The following CTNNAL1 variants were observed in gnomAD, a reference collection of about 807,000 sequenced individuals.
The protein encoded by CTNNAL1 is catenin alpha like 1, also known as alpha-catulin.
Under a neutral mutation model 93.6 loss-of-function variants are expected in CTNNAL1, and 69 were observed. That is an observed-to-expected ratio of 0.74 (90% CI 0.61 to 0.90). The LOEUF (loss-of-function observed/expected upper bound fraction) is 0.90. Among genes scored for constraint, CTNNAL1 ranks in the 40% least tolerant of loss-of-function variants. CTNNAL1 has a pLI of 0.00. For missense variants in CTNNAL1, 836 were observed against 862.0 expected, an observed-to-expected ratio of 0.97 and a Z score of 0.38; for synonymous variants, 286 against 305.4, an observed-to-expected ratio of 0.94 and a Z score of 0.66.
intron 10 of CTNNAL1, among the ~76,000 whole-genome samples, chr9:108,967,055 G>A (rs551325427): frequency 1.3e-5 from 2 of 152,104 alleles, no homozygotes; most frequent in Non-Finnish European, 2.9e-5. Context: ...TTCTATTCAT[G>A]ACAACAGGCA....
chr9:108,947,936 T>C (rs1244773821), intron 15 of CTNNAL1, among the ~76,000 whole-genome samples: 1 of 152,242 alleles, frequency 6.6e-6, no homozygotes, highest in Non-Finnish European at 1.5e-5. Context: ...ATTGCATCTA[T>C]TGACTACCAA....
chr9:109,001,480 G>A (rs1017221942), intron 1 of CTNNAL1, among the ~76,000 whole-genome samples: 12 of 152,092 alleles, frequency 7.9e-5, no homozygotes, highest in African/African-American at 2.9e-4. Context: ...TCTAATAAAT[G>A]GAATAAAGTG....
chr9:108,942,788 G>A lies in CTNNAL1; in HGVS notation c.2186C>T (p.Thr729Ile), dbSNP rs750982104. 6.2e-6 allele frequency: 10 copies of A among 1,611,850 alleles called. No homozygotes were observed. Among genetic ancestry groups the A allele is most frequent in the African/African-American group, 1.3e-5 (1 of 74,826 alleles). Residue 729 changes from threonine to isoleucine, a missense_variant, in exon 19 of 19, where the codon ACT becomes ATT. Thr to Ile is a moderately conservative substitution (Grantham distance 89). Coordinates refer to ENST00000325551, the MANE Select transcript of CTNNAL1 (RefSeq NM_003798.4). The stretch of plus-strand genomic sequence containing the variant: ...AGCTTCTCAAGTTTTACTATCCATA[G>A]TGTCCTTATTTGTAACTGAGACCCA... ...NGWVSVTNKD[T>I]MDSKT
chr9:108,996,344 T>C (rs1410713646), intron 2 of CTNNAL1, among the ~76,000 whole-genome samples: 2 of 152,028 alleles, frequency 1.3e-5, no homozygotes, highest in Non-Finnish European at 2.9e-5. Context: ...TTCGTAGGGG[T>C]TGAGTGGGCT....
intron 8 of CTNNAL1, among the ~76,000 whole-genome samples, chr9:108,976,261 ATATAATCAT>A (rs1015185156): frequency 1.3e-5 from 2 of 152,180 alleles, no homozygotes; most frequent in Admixed American, 1.3e-4. Context: ...AATTTTATAC[ATATAATCAT>A]TTGTGCCTGG....
intron 14 of CTNNAL1, among the ~76,000 whole-genome samples, chr9:108,948,882 A>T (rs1351880348): frequency 6.6e-6 from 1 of 152,212 alleles, no homozygotes; most frequent in Non-Finnish European, 1.5e-5. Context: ...TCTGGAATCT[A>T]GTAGCAACCA....
chr9:108,952,761 T>A lies in CTNNAL1; in HGVS notation c.1630-267A>T, dbSNP rs1482941041. Among the ~76,000 whole-genome samples, 3 of 152,324 alleles carry A rather than the reference T, an allele frequency of 2.0e-5. No individual in the cohort carries two copies. In the East Asian group the frequency reaches 5.8e-4, roughly 29 times the overall value. ...GCCTCTGTGCTTACAGCTGCTCTCC[T>A]CTTTTCACAAGGGCTTCCAGGGACT... On this transcript the variant is annotated intron_variant, in intron 12 of 18. Coordinates refer to ENST00000325551, the MANE Select transcript of CTNNAL1 (RefSeq NM_003798.4).
intron 2 of CTNNAL1, among the ~76,000 whole-genome samples, chr9:108,994,801 G>A (rs1831953401): frequency 1.3e-5 from 2 of 152,320 alleles, no homozygotes; most frequent in African/African-American, 4.8e-5. Flanking sequence ...TAAAATAACT[G>A]AGGCAGCTGT....
intron 12 of CTNNAL1, among the ~76,000 whole-genome samples, chr9:108,953,480 G>T (rs994867240): frequency 1.1e-4 from 17 of 151,980 alleles, no homozygotes; most frequent in African/African-American, 4.1e-4. Context: ...CACACATTGG[G>T]TATGGATTCA....
At chr9:108,986,100 A>G (rs1039659796) in intron 4 of CTNNAL1, among the ~76,000 whole-genome samples, 2 of 151,458 alleles carry the variant, frequency 1.3e-5, no homozygotes, top group African/African-American at 4.9e-5. Flanking sequence ...ATATGTATAC[A>G]TGTGCCATGC....
In CTNNAL1 at chr9:108,979,172, T is replaced by C. The variant is rs1035418472; in HGVS notation, c.1101+109A>G. ...AGAAGGGATGAGATATCCTGTCCCA[T>C]TCTGGAACAAATTCATACTCCTGGT... On this transcript the variant is annotated intron_variant, in intron 7 of 18. Coordinates refer to ENST00000325551, the MANE Select transcript of CTNNAL1 (RefSeq NM_003798.4). The C allele has an allele frequency of 4.4e-6, 6 of 1,364,560 alleles. No homozygotes were observed. In the Admixed American group the frequency reaches 1.1e-4, roughly 24 times the overall value. The allele number at this position is 1,364,560 out of a possible 1,614,324, so 84.5% of individuals were successfully genotyped here.
At chr9:108,970,639 T>C in intron 9 of CTNNAL1, 145 bp from the exon 10 acceptor site, 1 of 617,666 alleles carries the variant, frequency 1.6e-6, no homozygotes, top group South Asian at 3.2e-5. Flanking sequence ...GAGAAGATTA[T>C]TATAATATTA....
intron 6 of CTNNAL1, among the ~76,000 whole-genome samples, chr9:108,979,887 G>C (rs1290110019): frequency 6.6e-6 from 1 of 152,246 alleles, no homozygotes; most frequent in Non-Finnish European, 1.5e-5. Context: ...CAGGGGGAAG[G>C]ATGGTGTGGA....
At chr9:108,996,657 T>C (rs1226352977) in intron 2 of CTNNAL1, among the ~76,000 whole-genome samples, 2 of 152,194 alleles carry the variant, frequency 1.3e-5, no homozygotes, top group Non-Finnish European at 2.9e-5. Context: ...GTCCTTTTGT[T>C]TAAAAATACT....
At chr9:109,002,107 T>C (rs916247437) in intron 1 of CTNNAL1, among the ~76,000 whole-genome samples, 1 of 152,150 alleles carries the variant, frequency 6.6e-6, no homozygotes, top group African/African-American at 2.4e-5. Context: ...TATAACAAAA[T>C]ACCTTAAACT....
chr9:108,944,340 C>T (rs148822728), intron 15 of CTNNAL1, among the ~76,000 whole-genome samples: 1 of 152,292 alleles, frequency 6.6e-6, no homozygotes, highest in Non-Finnish European at 1.5e-5. Context: ...GGACCTAGAG[C>T]TCATCTCAAA....
intron 4 of CTNNAL1, 59 bp from the exon 5 acceptor site, chr9:108,984,495 A>T: frequency 1.1e-6 from 1 of 930,122 alleles, no homozygotes; most frequent in Non-Finnish European, 1.7e-6. Context: ...CCAATTTCTT[A>T]AAAAAGTATT....
chr9:108,976,246 A>C (rs1831262359), intron 8 of CTNNAL1, among the ~76,000 whole-genome samples: 1 of 152,326 alleles, frequency 6.6e-6, no homozygotes, highest in South Asian at 2.1e-4. Context: ...TTTTTTTCTA[A>C]ATGGAATTTT....
At position 108,979,438 on chromosome 9, in the gene CTNNAL1, T is replaced by G; in HGVS notation, c.944A>C (p.Lys315Thr). 6.2e-7 allele frequency: 1 copy of G among 1,614,094 alleles called. No individual in the cohort carries two copies. Among genetic ancestry groups the G allele is most frequent in the Non-Finnish European group, 8.5e-7 (1 of 1,180,000 alleles). Reference protein sequence around the residue: ...ALRENLYFQSKENLSVTLEVI... With the variant: ...ALRENLYFQSTENLSVTLEVI... ...TTCCAATGTCACAGAAAGGTTCTCT[T>G]TGGACTGAAAATAAAGATTCTCCCG... is the stretch of plus-strand genomic sequence containing the variant. The change falls in exon 7 of 19, where the codon AAA becomes ACA. Residue 315 changes from lysine (K) to threonine (T), a missense_variant. Coordinates refer to ENST00000325551, the MANE Select transcript of CTNNAL1 (RefSeq NM_003798.4).
Sources: gnomAD v4.1 joint callset for allele counts (sites outside exome capture counted in the v4.1 genomes callset) on GRCh38, gnomAD v4.1.1 for gene constraint, MANE v1.5 for transcripts, NCBI Gene and HGNC (gene_info 2026-07-23, HGNC 2026-07-21) for gene names.